NPAS2: variants seen among roughly 807,000 people sequenced by gnomAD.
NPAS2 encodes the protein neuronal PAS domain-containing protein 2.
In NPAS2, 23 loss-of-function variants were observed where a neutral mutation model predicts 107.5. The observed-to-expected ratio is 0.21, with a 90% confidence interval of 0.15 to 0.30. The LOEUF (loss-of-function observed/expected upper bound fraction) is 0.30. Ranked by LOEUF, NPAS2 falls within the 10% of genes least tolerant of loss-of-function variation. NPAS2 has a pLI of 1.00. For missense variants in NPAS2, 756 were observed against 1,043.3 expected (o/e 0.72, Z 3.79); for synonymous variants, 403 against 417.5 (o/e 0.97, Z 0.42).
rs1313694960 is a variant in NPAS2 at position 100,820,148 on chromosome 2, A to G, written c.-289A>G. The G allele has an allele frequency of 2.0e-5, 3 of 150,818 alleles. No individual in the cohort carries two copies. The highest frequency in any genetic ancestry group is 7.3e-5 in the African/African-American group (3 of 41,096). 9.3% of individuals were successfully genotyped at this position (150,818 alleles called of 1,614,324 possible). Reference sequence around the variant, plus strand: ...TCTCCCCGCCGGCTCTGCGTGCGGAAGAGTTTGCCGCGCGAGCAGCCGGCC... The same window carrying G: ...TCTCCCCGCCGGCTCTGCGTGCGGAGGAGTTTGCCGCGCGAGCAGCCGGCC... On this transcript the variant is annotated 5_prime_UTR_variant, in exon 1 of 21. Coordinates refer to ENST00000335681, the MANE Select transcript of NPAS2 (RefSeq NM_002518.4). The surrounding 1 kb of genome is among the most constrained non-coding windows in gnomAD (Gnocchi z 5.6).
At chr2:100,923,777 C>A (rs1683389507) in intron 2 of NPAS2, among the ~76,000 whole-genome samples, 1 of 152,212 alleles carries the variant, frequency 6.6e-6, no homozygotes, top group South Asian at 2.1e-4. Context: ...GCTTTCTCAG[C>A]CCTGGATCAC....
chr2:100,835,467 C>A (rs766463194), intron 1 of NPAS2, among the ~76,000 whole-genome samples: 22 of 152,100 alleles, frequency 1.4e-4, no homozygotes, highest in Admixed American at 9.8e-4. Context: ...TGTCCGTGCT[C>A]GACTCCACCC....
chr2:100,970,190 C>T (rs1676456010), intron 11 of NPAS2, among the ~76,000 whole-genome samples: 1 of 152,206 alleles, frequency 6.6e-6, no homozygotes, highest in Non-Finnish European at 1.5e-5. Flanking sequence ...CCAGCCTGGT[C>T]CTCTGCCCAA....
At chr2:100,940,595 C>T (rs1215042931) in intron 5 of NPAS2, among the ~76,000 whole-genome samples, 1 of 152,158 alleles carries the variant, frequency 6.6e-6, no homozygotes, top group Non-Finnish European at 1.5e-5. Flanking sequence ...CGTGCCTGGC[C>T]CAGAGCGAGG....
intron 1 of NPAS2, among the ~76,000 whole-genome samples, chr2:100,876,410 A>G (rs1406673886): frequency 2.6e-5 from 4 of 152,202 alleles, no homozygotes; most frequent in African/African-American, 9.7e-5. Flanking sequence ...ACGTCTCCTA[A>G]GAGGGCTTCA....
intron 1 of NPAS2, among the ~76,000 whole-genome samples, chr2:100,824,113 T>C (rs908143691): frequency 1.3e-5 from 2 of 152,102 alleles, no homozygotes; most frequent in Non-Finnish European, 2.9e-5. Context: ...TTACTGTTGA[T>C]AGGAGAGAGG....
chr2:100,935,760 A>G (rs1684261672), intron 4 of NPAS2, among the ~76,000 whole-genome samples: 1 of 152,136 alleles, frequency 6.6e-6, no homozygotes, highest in Non-Finnish European at 1.5e-5. Flanking sequence ...CCTTAAAAAA[A>G]TTCACCTCCT....
At chr2:100,892,930 C>T (rs1319737295) in intron 1 of NPAS2, among the ~76,000 whole-genome samples, 1 of 152,058 alleles carries the variant, frequency 6.6e-6, no homozygotes, top group African/African-American at 2.4e-5. Context: ...TGTTGGCCAG[C>T]TGGTCTAGAA....
chr2:100,889,160 C>A (rs1680897630), intron 1 of NPAS2, among the ~76,000 whole-genome samples: 1 of 152,198 alleles, frequency 6.6e-6, no homozygotes, highest in Non-Finnish European at 1.5e-5. Context: ...TCATTTCTAC[C>A]TGTCCCATTA....
At chr2:100,973,079 T>G (rs1676703148) in intron 12 of NPAS2, among the ~76,000 whole-genome samples, 1 of 151,732 alleles carries the variant, frequency 6.6e-6, no homozygotes, top group African/African-American at 2.4e-5. Flanking sequence ...CTCAGGAGGC[T>G]GAGGCAGGAG....
intron 2 of NPAS2, among the ~76,000 whole-genome samples, chr2:100,909,362 C>T (rs908592641): frequency 6.6e-6 from 1 of 152,220 alleles, no homozygotes; most frequent in African/African-American, 2.4e-5. Context: ...TAAACTCAAC[C>T]CTTTCAGCCA....
chr2:100,860,119 G>A (rs946538911), intron 1 of NPAS2, among the ~76,000 whole-genome samples: 1 of 152,160 alleles, frequency 6.6e-6, no homozygotes, highest in Non-Finnish European at 1.5e-5. Context: ...AGGATCACAC[G>A]TTGCATTTCG....
intron 16 of NPAS2, chr2:100,983,932 A>G (rs1677625627): frequency 6.6e-6 from 1 of 152,258 alleles, no homozygotes; most frequent in Admixed American, 6.5e-5. Context: ...AGGTAGGCGT[A>G]TGAACATCCC....
chr2:100,858,606 G>A (rs527920746), intron 1 of NPAS2, among the ~76,000 whole-genome samples: 3 of 152,176 alleles, frequency 2.0e-5, no homozygotes, highest in African/African-American at 4.8e-5. Context: ...AGAAGGTGGC[G>A]GGGAGTTCCC....
chr2:100,834,755 T>C (rs887277179), intron 1 of NPAS2, among the ~76,000 whole-genome samples: 60 of 152,228 alleles, frequency 3.9e-4, no homozygotes, highest in African/African-American at 1.4e-3. Context: ...AGTGCAGTGA[T>C]GTGATATTGG....
At chr2:100,978,657 G>A (rs1323241019) in intron 15 of NPAS2, among the ~76,000 whole-genome samples, 1 of 152,248 alleles carries the variant, frequency 6.6e-6, no homozygotes, top group Non-Finnish European at 1.5e-5. Context: ...GGGATGTAAA[G>A]ATGTAAGTCA....
At chr2:100,838,397 C>T (rs1442520784) in intron 1 of NPAS2, among the ~76,000 whole-genome samples, 1 of 152,134 alleles carries the variant, frequency 6.6e-6, no homozygotes, top group Non-Finnish European at 1.5e-5. Flanking sequence ...TCTGCCTCCA[C>T]CTCCTGAGTA....
chr2:100,961,621 G>A (rs1573729685), intron 7 of NPAS2, among the ~76,000 whole-genome samples: 1 of 151,598 alleles, frequency 6.6e-6, no homozygotes, highest in African/African-American at 2.4e-5. Context: ...ACTGCATTAT[G>A]GGGGCAGCCA....
At chr2:100,938,828 G>A (rs1232265646) in intron 5 of NPAS2, among the ~76,000 whole-genome samples, 1 of 152,024 alleles carries the variant, frequency 6.6e-6, no homozygotes, top group Non-Finnish European at 1.5e-5. Context: ...CACGTGTGAT[G>A]GACAAGAAAA....
Sources: allele counts gnomAD v4.1 joint callset (sites outside exome capture counted in the v4.1 genomes callset), GRCh38; gene constraint gnomAD v4.1.1; non-coding constraint Gnocchi (gnomAD v3.1); transcripts MANE v1.5; gene names NCBI Gene and HGNC (gene_info 2026-07-23, HGNC 2026-07-21).